Variants in EDRF1 observed in about 807,000 individuals in gnomAD.
The protein encoded by EDRF1 is erythroid differentiation regulatory factor 1, also known as erythroid differentiation-related factor 1.
Under a neutral mutation model 148.7 loss-of-function variants are expected in EDRF1, and 69 were observed. The ratio of observed to expected loss-of-function variants is 0.46; its 90% CI spans 0.38 to 0.57. The LOEUF is 0.57. EDRF1 is among the 20% of genes least tolerant of loss of function. The pLI is 0.00. For synonymous variants in EDRF1, 515 were observed against 532.8 expected (o/e 0.97, Z 0.46); for missense variants, 1,118 against 1,478.7 (o/e 0.76, Z 4.00).
Position 125,749,314 on chromosome 10 carries a change from G to A in EDRF1, c.3124-98G>A, listed in dbSNP as rs149436475. The A allele has an allele frequency of 9.9e-4, 1,359 of 1,369,794 alleles. 13 individuals are homozygous for A. The highest frequency in any genetic ancestry group is 9.6e-3 in the South Asian group (825 of 85,552). The allele number at this position is 1,369,794 out of a possible 1,614,324, so 84.9% of individuals were successfully genotyped here. A position where few individuals can be genotyped will look rare whatever the true frequency, so the allele number is the denominator to read the frequency against. ...TAAAAGCTAAAACTAATAAGACCTA[G>A]TAAGACCCACAGTGGGGGAAAAATA... is the stretch of plus-strand genomic sequence containing the variant. On this transcript the variant is annotated intron_variant, in intron 21 of 24. Coordinates refer to ENST00000356792, the MANE Select transcript of EDRF1 (RefSeq NM_001202438.2).
At chr10:125,719,974 C>T (rs1257464921) in intron 1 of EDRF1, 59 bp downstream of exon 1, 9 of 1,497,474 alleles carry the variant, frequency 6.0e-6, no homozygotes, top group African/African-American at 1.4e-5. Context: ...CCCGCTCCAC[C>T]GGGGAGGGAT....
At chr10:125,740,914 C>A in intron 16 of EDRF1, 87 bp from the exon 17 acceptor site, 1 of 1,373,506 alleles carries the variant, frequency 7.3e-7, no homozygotes, top group Non-Finnish European at 1.0e-6. Context: ...AAGCGTTCAG[C>A]TGGTAACACA....
At chr10:125,755,720 CCAT>C (rs1849872832) in intron 24 of EDRF1, among the ~76,000 whole-genome samples, 1 of 152,174 alleles carries the variant, frequency 6.6e-6, no homozygotes. Flanking sequence ...AAACGAGGGT[CCAT>C]CATCTAAATT....
intron 15 of EDRF1, among the ~76,000 whole-genome samples, chr10:125,740,046 T>G (rs1848932115): frequency 6.6e-6 from 1 of 152,118 alleles, no homozygotes. Context: ...GATGGACAAG[T>G]AGGAAGTGAG....
chr10:125,719,981 G>A, intron 1 of EDRF1, 66 bp downstream of exon 1: 3 of 1,437,854 alleles, frequency 2.1e-6, no homozygotes, highest in Non-Finnish European at 2.9e-6. Flanking sequence ...CACCGGGGAG[G>A]GATGCCACGG....
At chr10:125,762,579 A>G (rs755236591) in intron 24 of EDRF1, among the ~76,000 whole-genome samples, 3 of 152,204 alleles carry the variant, frequency 2.0e-5, no homozygotes, top group Non-Finnish European at 4.4e-5. Context: ...CCGATCCATC[A>G]TAAGGGGTAA....
At chr10:125,732,055 A>G (rs1489227664) in intron 9 of EDRF1, 1 of 263,900 alleles carries the variant, frequency 3.8e-6, no homozygotes. Flanking sequence ...CATCAGAATC[A>G]CTTGTGGTCT....
intron 23 of EDRF1, among the ~76,000 whole-genome samples, 199 bp downstream of exon 23, chr10:125,753,113 A>T (rs927301379): frequency 6.6e-6 from 1 of 152,252 alleles, no homozygotes; most frequent in Non-Finnish European, 1.5e-5. Context: ...CAAGTATTTT[A>T]AAATATTTTT....
intron 17 of EDRF1, chr10:125,742,439 A>G (rs1589848553): frequency 1.8e-6 from 2 of 1,098,572 alleles, no homozygotes; most frequent in South Asian, 2.3e-5. Flanking sequence ...GTTTTAGACA[A>G]TTCATAGCTA....
At chr10:125,747,492 T>TAA (rs766759501) in intron 19 of EDRF1, 44 bp from the exon 20 acceptor site, 4 of 1,605,384 alleles carry the variant, frequency 2.5e-6, no homozygotes, top group Non-Finnish European at 3.4e-6. Context: ...TATTGGTATA[T>TAA]GTTTAAGCTG....
chr10:125,735,356 C>G (rs1848675496), intron 12 of EDRF1, among the ~76,000 whole-genome samples: 1 of 152,036 alleles, frequency 6.6e-6, no homozygotes, highest in African/African-American at 2.4e-5. Context: ...ACTCTGTACT[C>G]AAAAGCTTTT....
At chr10:125,735,607 G>T in intron 12 of EDRF1, 37 bp from the exon 13 acceptor site, 1 of 1,599,754 alleles carries the variant, frequency 6.3e-7, no homozygotes, top group Admixed American at 1.7e-5. Context: ...ATTTTTTGAT[G>T]ACAGTAATTT....
chr10:125,721,529 A>C, intron 2 of EDRF1, 117 bp downstream of exon 2: 3 of 993,614 alleles, frequency 3.0e-6, no homozygotes, highest in Non-Finnish European at 4.6e-6. Context: ...CTTTAGAGAA[A>C]GATCACATTT....
At chr10:125,745,113 A>T (rs576857634) in intron 18 of EDRF1, 2 of 161,278 alleles carry the variant, frequency 1.2e-5, no homozygotes, top group East Asian at 1.7e-4. Flanking sequence ...GGACAAAGGG[A>T]TGGTTCCCAT....
intron 17 of EDRF1, chr10:125,742,313 C>T (rs1849068726): frequency 1.6e-6 from 2 of 1,277,370 alleles, no homozygotes; most frequent in Non-Finnish European, 1.0e-6. Flanking sequence ...GCCATTAACA[C>T]AGTGAATGAA....
intron 21 of EDRF1, 76 bp downstream of exon 21, chr10:125,748,088 G>A: frequency 2.0e-6 from 3 of 1,528,214 alleles, no homozygotes; most frequent in Non-Finnish European, 2.7e-6. Context: ...TTTTTAACAT[G>A]GTCATATATG....
At position 125,724,967 on chromosome 10, in the gene EDRF1, A is replaced by G. The variant is rs78882900; in HGVS notation, c.511-351A>G. On this transcript the variant is annotated intron_variant, in intron 4 of 24. Transcript: ENST00000356792. Reference sequence around the variant, plus strand: ...CCTAGGCACGGGGATGTGACAGTGAACAAATCACAGGCCTTGCTCCTCAGC... The same window carrying G: ...CCTAGGCACGGGGATGTGACAGTGAGCAAATCACAGGCCTTGCTCCTCAGC... 2.3e-3 allele frequency among the ~76,000 whole-genome samples: 353 copies of G among 152,336 alleles called. 9 individuals carry two copies. In the East Asian group the frequency reaches 0.058, roughly 25 times the overall value.
intron 6 of EDRF1, among the ~76,000 whole-genome samples, chr10:125,727,969 G>A (rs957914768): frequency 6.6e-6 from 1 of 151,962 alleles, no homozygotes; most frequent in Non-Finnish European, 1.5e-5. Flanking sequence ...GGCCGAGGTG[G>A]GTGGATCACT....
At chr10:125,753,011 A>G (rs1158026910) in intron 23 of EDRF1, 97 bp downstream of exon 23, 2 of 818,884 alleles carry the variant, frequency 2.4e-6, no homozygotes, top group East Asian at 2.5e-5. Context: ...GTGGGTATAT[A>G]TACACACATG....
Sources: gnomAD v4.1 joint callset for allele counts (sites outside exome capture counted in the v4.1 genomes callset) on GRCh38, gnomAD v4.1.1 for gene constraint, MANE v1.5 for transcripts, NCBI Gene and HGNC (gene_info 2026-07-23, HGNC 2026-07-21) for gene names.